Variants in GOLGA3 observed in about 807,000 individuals in gnomAD.
GOLGA3 encodes the protein golgin A3.
In GOLGA3, 75 loss-of-function variants were observed where a neutral mutation model predicts 169.4. The observed-to-expected ratio is 0.44, with a 90% CI of 0.37 to 0.54. GOLGA3 has a LOEUF of 0.54. Among genes scored for constraint, GOLGA3 ranks in the 20% least tolerant of loss-of-function variants. The probability of loss-of-function intolerance (pLI) is 0.00; values close to 1 mark genes in which losing one functional copy is unlikely to be tolerated. For missense variants in GOLGA3, 1,899 were observed against 1,930.0 expected (o/e 0.98, Z 0.30); for synonymous variants, 824 against 822.4 (o/e 1.00, Z -0.03).
chr12:132,780,875 G>A lies in GOLGA3; in HGVS notation c.3505C>T (p.Gln1169Ter). Reference sequence around the variant, plus strand: ...AGGGCCTGGACAAGATGCTTCATCTGGCGATCCTCCTCTTCTTTGCGCTGC... The same window carrying A: ...AGGGCCTGGACAAGATGCTTCATCTAGCGATCCTCCTCTTCTTTGCGCTGC... ...VLQRKEEEDR[Q>*]MKHLVQALQA... The change falls in exon 18 of 24, where the codon CAG (glutamine) becomes TAG (stop). Residue 1169 changes from glutamine to a stop codon, truncating the protein, a stop_gained. Coordinates refer to ENST00000450791, the MANE Select transcript of GOLGA3 (RefSeq NM_001389683.1). LOFTEE classifies it high-confidence loss of function. 6.2e-7 allele frequency: 1 copy of A among 1,612,248 alleles called. No homozygotes were observed. Among genetic ancestry groups the A allele is most frequent in the Non-Finnish European group, 8.5e-7 (1 of 1,179,992 alleles).
chr12:132,773,840 CTCCCCCTTT>C, intron 23 of GOLGA3, among the ~76,000 whole-genome samples: 1 of 144,412 alleles, frequency 6.9e-6, no homozygotes, highest in Non-Finnish European at 1.5e-5. Flanking sequence ...GCGAGTCCCC[CTCCCCCTTT>C]ATATAAACCG....
At chr12:132,801,991 G>C in intron 7 of GOLGA3, 22 bp from the exon 8 acceptor site, 7 of 1,583,848 alleles carry the variant, frequency 4.4e-6, no homozygotes, top group Non-Finnish European at 6.0e-6. Context: ...CAAGCACAGC[G>C]GCTCAGGCCA....
In GOLGA3 at chr12:132,789,141, C is replaced by T. The variant is rs752418940; in HGVS notation, c.2697G>A (p.Ala899=). The change falls in exon 13 of 24, where the codon GCG becomes GCA. Residue 899 remains alanine, a synonymous_variant. Transcript: ENST00000450791. ...QVHGEKRTAE[A]ELSRLHREVA... The stretch of plus-strand genomic sequence containing the variant: ...CCTCTCTGTGCAGGCGCGAGAGCTC[C>T]GCCTCGGCAGTCCGCTTCTCCCCGT... 28 of 1,612,880 alleles carry T rather than the reference C, an allele frequency of 1.7e-5. No homozygotes were observed. Among genetic ancestry groups the T allele is most frequent in the East Asian group, 1.1e-4 (5 of 44,890 alleles).
At chr12:132,827,689 C>T (rs946841782) in intron 1 of GOLGA3, 5 of 152,092 alleles carry the variant, frequency 3.3e-5, no homozygotes, top group Non-Finnish European at 7.4e-5. Flanking sequence ...GATTTATTTC[C>T]TTCTTGCCAT....
chr12:132,821,099 CAAA>C (rs61336622), intron 2 of GOLGA3, among the ~76,000 whole-genome samples: 7 of 49,324 alleles, frequency 1.4e-4, no homozygotes, highest in Admixed American at 1.2e-3. Flanking sequence ...GACACCGTCT[CAAA>C]AAAAAAAAAA....
chr12:132,810,965 A>C lies in GOLGA3; in HGVS notation c.519+2342T>G, dbSNP rs1033412964. Among the ~76,000 whole-genome samples, 5 of 152,346 alleles carry C rather than the reference A, an allele frequency of 3.3e-5. No homozygotes were observed. The East Asian group carries it at 7.7e-4, about 24-fold the overall frequency. On this transcript the variant is annotated intron_variant, in intron 4 of 23. Coordinates refer to ENST00000450791, the MANE Select transcript of GOLGA3 (RefSeq NM_001389683.1). ...TAGCAAAATTAGTGAAAGTACTAAA[A>C]GTCTCTGATATGCAGAAATAACGGC...
In GOLGA3 at chr12:132,775,207, G is replaced by A. The variant is rs934644542; in HGVS notation, c.4077C>T (p.Asn1359=). ...LQAKVSELKN[N]MKTLLQQNQQ... is the part of the protein sequence containing the mutation. ...GGTTCTGCTGGAGCAGGGTCTTCAT[G>A]TTGTTCTTCAGCTCCGACACTTTTG... is the stretch of plus-strand genomic sequence containing the variant. The change falls in exon 22 of 24, where the codon AAC becomes AAT. Residue 1359 remains asparagine (N), a synonymous_variant. Transcript: ENST00000450791. 6.2e-7 allele frequency: 1 copy of A among 1,614,052 alleles called. No homozygotes were observed. The highest frequency in any genetic ancestry group is 8.5e-7 in the Non-Finnish European group (1 of 1,179,992).
rs1025069372 is a variant in GOLGA3 at position 132,769,721 on chromosome 12, G to A, written c.*3384C>T. On this transcript the variant is annotated 3_prime_UTR_variant, in exon 24 of 24. Coordinates refer to ENST00000450791, the MANE Select transcript of GOLGA3 (RefSeq NM_001389683.1). The stretch of plus-strand genomic sequence containing the variant: ...GCCGCCCTAGCCCGTGACACACGGC[G>A]TGGGGATGAACACGCCACATAATGC... 2.0e-5 allele frequency: 3 copies of A among 152,174 alleles called. No individual in the cohort carries two copies. Among genetic ancestry groups the A allele is most frequent in the East Asian group, 3.8e-4 (2 of 5,200 alleles). The allele number at this position is 152,174 out of a possible 1,614,324, so 9.4% of individuals were successfully genotyped here.
chr12:132,781,893 A>G (rs1295239709), intron 17 of GOLGA3, among the ~76,000 whole-genome samples: 1 of 152,172 alleles, frequency 6.6e-6, no homozygotes, highest in Non-Finnish European at 1.5e-5. Flanking sequence ...CCACACCCAC[A>G]TGGAAGGTCT....
chr12:132,802,226 A>G (rs893311642), intron 7 of GOLGA3, among the ~76,000 whole-genome samples: 1 of 152,270 alleles, frequency 6.6e-6, no homozygotes, highest in Non-Finnish European at 1.5e-5. Flanking sequence ...GCTCATCAAT[A>G]CATAACCTCT....
chr12:132,779,040 G>C (rs1223588250), intron 18 of GOLGA3, among the ~76,000 whole-genome samples: 1 of 152,218 alleles, frequency 6.6e-6, no homozygotes, highest in South Asian at 2.1e-4. Flanking sequence ...AGGCCTGTGG[G>C]GCCAAGAGAA....
At position 132,771,716 on chromosome 12, in the gene GOLGA3, G is replaced by A. The variant is rs1417212828; in HGVS notation, c.*1389C>T. On this transcript the variant is annotated 3_prime_UTR_variant, in exon 24 of 24. Coordinates refer to ENST00000450791, the MANE Select transcript of GOLGA3 (RefSeq NM_001389683.1). The stretch of plus-strand genomic sequence containing the variant: ...CAGGTGCTCCTACACACGAGTACAG[G>A]CGCTCCCACAGACAATGGTAAAGAT... The A allele has an allele frequency of 6.6e-6, 1 of 152,178 alleles. No individual in the cohort carries two copies. Among genetic ancestry groups the A allele is most frequent in the African/African-American group, 2.4e-5 (1 of 41,424 alleles). The allele number at this position is 152,178 out of a possible 1,614,324, so 9.4% of individuals were successfully genotyped here.
intron 2 of GOLGA3, among the ~76,000 whole-genome samples, chr12:132,820,460 G>A (rs1297310938): frequency 2.0e-5 from 3 of 152,182 alleles, no homozygotes; most frequent in African/African-American, 4.8e-5. Context: ...CACGGCCGCG[G>A]GTCTCAGAAC....
In GOLGA3 at chr12:132,807,281, A is replaced by G; in HGVS notation, c.1186T>C (p.Leu396=). Reference sequence around the variant, plus strand: ...TGTGTTTCTGCTGCAGAGCTCTCCAAGGACACGCTGGGGACAAAGGCACGG... The same window carrying G: ...TGTGTTTCTGCTGCAGAGCTCTCCAGGGACACGCTGGGGACAAAGGCACGG... The part of the protein sequence containing the change: ...RRDSICSSVS[L]ESSAAETQEE... Residue 396 remains leucine, a synonymous_variant, in exon 6 of 24, where the codon TTG becomes CTG. Transcript: ENST00000450791. The G allele has an allele frequency of 1.9e-6, 3 of 1,557,882 alleles. No individual in the cohort carries two copies. The highest frequency in any genetic ancestry group is 3.4e-4 in the Middle Eastern group (2 of 5,948).
intron 22 of GOLGA3, 34 bp from the exon 23 acceptor site, chr12:132,774,354 C>G: frequency 6.2e-7 from 1 of 1,606,180 alleles, no homozygotes; most frequent in South Asian, 1.1e-5. Flanking sequence ...GCTTTCCCAC[C>G]GTCCCCTCCC....
At chr12:132,785,583 G>T (rs550122914) in intron 15 of GOLGA3, among the ~76,000 whole-genome samples, 1 of 152,240 alleles carries the variant, frequency 6.6e-6, no homozygotes, top group East Asian at 1.9e-4. Context: ...AAAGCGCTGG[G>T]ATTATAGGTG....
At position 132,773,061 on chromosome 12, in the gene GOLGA3, A is replaced by G; in HGVS notation, c.*44T>C. ...CACAATCAAATAAATAACATTGATA[A>G]GAGCCTTCTGGGGCAGCGGCGCACG... On this transcript the variant is annotated 3_prime_UTR_variant, in exon 24 of 24. Transcript: ENST00000450791. The G allele has an allele frequency of 7.6e-7, 1 of 1,308,204 alleles. No individual in the cohort carries two copies. The highest frequency in any genetic ancestry group is 1.0e-6 in the Non-Finnish European group (1 of 960,820). The allele number at this position is 1,308,204 out of a possible 1,614,324, so 81.0% of individuals were successfully genotyped here.
chr12:132,788,630 G>A lies in GOLGA3; in HGVS notation c.2811+397C>T, dbSNP rs115509478. ...ACTCCCAGGGTCCCCGGGCCCCGAC[G>A]CCCTGCCCTGACGTGGGGTCTCCAC... is the stretch of plus-strand genomic sequence containing the variant. On this transcript the variant is annotated intron_variant, in intron 13 of 23. Coordinates refer to ENST00000450791, the MANE Select transcript of GOLGA3 (RefSeq NM_001389683.1). 3.4e-3 allele frequency among the ~76,000 whole-genome samples: 518 copies of A among 152,234 alleles called. 1 individual carries two copies. The highest frequency in any genetic ancestry group is 0.011 in the African/African-American group (471 of 41,550).
intron 4 of GOLGA3, among the ~76,000 whole-genome samples, chr12:132,811,634 G>A (rs1949710679): frequency 6.6e-6 from 1 of 151,726 alleles, no homozygotes; most frequent in Non-Finnish European, 1.5e-5. Flanking sequence ...CTAATTTTTT[G>A]TATTTTTAGT....
Sources: gnomAD v4.1 joint callset for allele counts (sites outside exome capture counted in the v4.1 genomes callset) on GRCh38, gnomAD v4.1.1 for gene constraint, MANE v1.5 for transcripts, NCBI Gene and HGNC (gene_info 2026-07-23, HGNC 2026-07-21) for gene names.